RNF169: variants seen among roughly 807,000 people sequenced by gnomAD.
RNF169 encodes the protein E3 ubiquitin-protein ligase RNF169.
In RNF169, 24 loss-of-function variants were observed where a neutral mutation model predicts 53.9. The observed-to-expected ratio is 0.45, with a 90% CI of 0.32 to 0.63. The LOEUF (loss-of-function observed/expected upper bound fraction) is 0.63, where lower values mean the gene tolerates loss of function less well. Ranked by LOEUF, RNF169 falls within the 20% of genes least tolerant of loss-of-function variation. The pLI is 0.04. For synonymous variants in RNF169, 396 were observed against 363.5 expected (o/e 1.09, Z -1.02); for missense variants, 883 against 906.2 (o/e 0.97, Z 0.33).
rs564505073 is a variant in RNF169, at chr11:74,767,679, C to T, written c.502+18297C>T. ...CCGCCTCCTGGGTTCACGCCATTCT[C>T]CTGCCTCAGCCTCCCGAATAGCTTG... On this transcript the variant is annotated intron_variant, in intron 1 of 5. Transcript: ENST00000299563. 3.2e-3 allele frequency among the ~76,000 whole-genome samples: 489 copies of T among 152,260 alleles called. 1 individual carries two copies. Among genetic ancestry groups the T allele is most frequent in the Non-Finnish European group, 4.9e-3 (336 of 68,020 alleles).
Position 74,749,382 on chromosome 11 carries a change from G to T in RNF169, c.502G>T (p.Asp168Tyr). 1 of 1,248,782 alleles carries T rather than the reference G, an allele frequency of 8.0e-7. No individual in the cohort carries two copies. The allele number at this position is 1,248,782 out of a possible 1,614,324, so 77.4% of individuals were successfully genotyped here. A position where few individuals can be genotyped will look rare whatever the true frequency, so the allele number is the denominator to read the frequency against. ...GCCGCGTGCCGCGCCTGCGGAGCCA[G>T]GTGGAGCTTCCCCACTTCCCCTTAG... ...QEPRAAPAEP[D>Y]FIFRAPIKLS... The change falls in exon 1 of 6, where the codon GAC (aspartate) becomes TAC (tyrosine). Residue 168 changes from aspartate to tyrosine, a missense_variant and splice_region_variant. By Grantham distance (160) the Asp-to-Tyr change is radical. This residue lies in a region of RNF169 where 313 missense variants were observed against 279.9 expected (regional missense o/e 1.12). Transcript: ENST00000299563.
intron 1 of RNF169, among the ~76,000 whole-genome samples, chr11:74,765,875 AAGTAAC>A (rs1466847908): frequency 6.6e-6 from 1 of 152,044 alleles, no homozygotes; most frequent in Non-Finnish European, 1.5e-5. Flanking sequence ...AAGTTAAAAA[AAGTAAC>A]AGCAGATTAA....
intron 4 of RNF169, among the ~76,000 whole-genome samples, chr11:74,824,658 G>T (rs1032369252): frequency 3.3e-5 from 5 of 152,186 alleles, no homozygotes; most frequent in Admixed American, 2.6e-4. Context: ...TTGAAATATT[G>T]TGAGAATTAC....
intron 1 of RNF169, among the ~76,000 whole-genome samples, chr11:74,782,816 T>A (rs2035435316): frequency 6.6e-6 from 1 of 152,040 alleles, no homozygotes; most frequent in Non-Finnish European, 1.5e-5. Flanking sequence ...TACAAGCTTT[T>A]GAATTCATCA....
chr11:74,765,130 G>A (rs1203718183), intron 1 of RNF169, among the ~76,000 whole-genome samples: 1 of 151,842 alleles, frequency 6.6e-6, no homozygotes, highest in African/African-American at 2.4e-5. Context: ...GACTGCTTGA[G>A]CCCAGGAGGT....
rs1320262658 is a variant in RNF169, at chr11:74,841,558, CTTT to C, written c.*4829_*4831del. ...TTAAGAAAAAAATTTACTCTCTCTCCTTTGTGAGTAAATGCCTCCTTAATGCCT... is the reference window on the plus strand; with the variant it reads ...TTAAGAAAAAAATTTACTCTCTCTCCGTGAGTAAATGCCTCCTTAATGCCT... On this transcript the variant is annotated 3_prime_UTR_variant, in exon 6 of 6. Transcript: ENST00000299563. 6.6e-6 allele frequency: 1 copy of C among 152,126 alleles called. No homozygotes were observed. The highest frequency in any genetic ancestry group is 1.9e-4 in the East Asian group (1 of 5,198). 9.4% of individuals were successfully genotyped at this position (152,126 alleles called of 1,614,324 possible).
At chr11:74,779,143 A>G (rs980964183) in intron 1 of RNF169, among the ~76,000 whole-genome samples, 1 of 152,142 alleles carries the variant, frequency 6.6e-6, no homozygotes, top group Non-Finnish European at 1.5e-5. Flanking sequence ...AAATATTTTT[A>G]TGTAAAAGTT....
At chr11:74,786,928 A>G (rs1235212562) in intron 1 of RNF169, among the ~76,000 whole-genome samples, 1 of 152,240 alleles carries the variant, frequency 6.6e-6, no homozygotes, top group Non-Finnish European at 1.5e-5. Flanking sequence ...ATTCTCCAAC[A>G]GTAAGTGAAA....
At chr11:74,817,836 G>T in intron 4 of RNF169, 122 bp downstream of exon 4, 3 of 699,424 alleles carry the variant, frequency 4.3e-6, no homozygotes, top group Non-Finnish European at 7.6e-6. Flanking sequence ...GGGGAGAAAA[G>T]AGGTGGGAAT....
intron 1 of RNF169, among the ~76,000 whole-genome samples, chr11:74,752,771 G>A (rs2034919811): frequency 6.6e-6 from 1 of 152,024 alleles, no homozygotes; most frequent in Non-Finnish European, 1.5e-5. Flanking sequence ...GTCCACAGCA[G>A]TATGTTGTAT....
At chr11:74,755,382 T>C (rs901754000) in intron 1 of RNF169, among the ~76,000 whole-genome samples, 1 of 152,216 alleles carries the variant, frequency 6.6e-6, no homozygotes, top group Non-Finnish European at 1.5e-5. Context: ...CCTGAAAGAG[T>C]TGCCTACCTT....
intron 1 of RNF169, among the ~76,000 whole-genome samples, chr11:74,758,270 G>T (rs1468135117): frequency 7.1e-6 from 1 of 140,450 alleles, no homozygotes; most frequent in East Asian, 2.1e-4. Context: ...TTTCCCCATT[G>T]CTTGTTTTTC....
intron 2 of RNF169, among the ~76,000 whole-genome samples, chr11:74,799,094 T>TC (rs2035692805): frequency 6.7e-6 from 1 of 148,986 alleles, no homozygotes; most frequent in African/African-American, 2.4e-5. Flanking sequence ...TGGTTTTTTT[T>TC]TTTTGCTACA....
At chr11:74,758,725 C>T (rs899785666) in intron 1 of RNF169, among the ~76,000 whole-genome samples, 3 of 152,070 alleles carry the variant, frequency 2.0e-5, no homozygotes, top group Non-Finnish European at 2.9e-5. Flanking sequence ...GGGATGGTCT[C>T]GATCTCCTGA....
chr11:74,841,811 A>G lies in RNF169; in HGVS notation c.*5081A>G, dbSNP rs1001554643. 2.6e-5 allele frequency: 4 copies of G among 152,176 alleles called. No individual in the cohort carries two copies. The highest frequency in any genetic ancestry group is 3.2e-3 in the Middle Eastern group (1 of 316). The allele number at this position is 152,176 out of a possible 1,614,324, so 9.4% of individuals were successfully genotyped here. A position where few individuals can be genotyped will look rare whatever the true frequency, so the allele number is the denominator to read the frequency against. On this transcript the variant is annotated 3_prime_UTR_variant, in exon 6 of 6. Transcript: ENST00000299563. ...GAGTAGCTGTTGGCCCTGGTTCCAG[A>G]TTAATATAGCAGCAGGCAGATTGCC...
At chr11:74,783,820 G>GTA (rs1481380016) in intron 1 of RNF169, among the ~76,000 whole-genome samples, 1 of 152,180 alleles carries the variant, frequency 6.6e-6, no homozygotes, top group Non-Finnish European at 1.5e-5. Context: ...ATTAAGAAAA[G>GTA]TAAAGTCTCA....
At chr11:74,825,693 C>T (rs2036084660) in intron 4 of RNF169, among the ~76,000 whole-genome samples, 1 of 151,994 alleles carries the variant, frequency 6.6e-6, no homozygotes, top group Non-Finnish European at 1.5e-5. Flanking sequence ...AGAGATACAA[C>T]AAAAAAAGAA....
chr11:74,776,352 A>G (rs2035334960), intron 1 of RNF169, among the ~76,000 whole-genome samples: 1 of 152,072 alleles, frequency 6.6e-6, no homozygotes, highest in African/African-American at 2.4e-5. Flanking sequence ...ATTGGACTCT[A>G]TTAAAGTTGA....
intron 1 of RNF169, among the ~76,000 whole-genome samples, chr11:74,762,519 A>G (rs1425755747): frequency 6.6e-6 from 1 of 152,170 alleles, no homozygotes; most frequent in African/African-American, 2.4e-5. Flanking sequence ...TTTTCCTTCT[A>G]ACAGACAGGA....
Sources: gnomAD v4.1 joint callset for allele counts (sites outside exome capture counted in the v4.1 genomes callset) on GRCh38, gnomAD v4.1.1 for gene constraint, gnomAD v4.1.1 regional missense constraint, MANE v1.5 for transcripts, NCBI Gene and HGNC (gene_info 2026-07-23, HGNC 2026-07-21) for gene names.